The following HEATR5A variants were observed in gnomAD, a reference collection of about 807,000 sequenced individuals.
The protein encoded by HEATR5A is HEAT repeat-containing protein 5A.
In HEATR5A, 178 loss-of-function variants were observed where a neutral mutation model predicts 218.8. The observed-to-expected ratio is 0.81, with a 90% CI of 0.72 to 0.92. The LOEUF is 0.92. HEATR5A is among the 40% of genes least tolerant of loss of function. The probability of loss-of-function intolerance (pLI) is 0.00; values close to 1 mark genes in which losing one functional copy is unlikely to be tolerated. For synonymous variants in HEATR5A, 864 were observed against 871.6 expected, an observed-to-expected ratio of 0.99 and a Z score of 0.15; for missense variants, 2,420 against 2,418.9, an observed-to-expected ratio of 1.00 and a Z score of -0.01.
rs765148798 is a variant in HEATR5A at position 31,395,192 on chromosome 14, AT to A, written c.597+6del. ...ATTTTTAAAGTCTGCTTATTAGATC[AT>A]TTTACCTTTGCAGCAGCACAACGAA... is the stretch of plus-strand genomic sequence containing the variant. On this transcript the variant is annotated splice_donor_region_variant and intron_variant, in intron 5 of 35. Coordinates refer to ENST00000543095, the MANE Select transcript of HEATR5A (RefSeq NM_015473.4). The A allele has an allele frequency of 8.4e-5, 126 of 1,495,356 alleles. No individual in the cohort carries two copies. In the African/African-American group the frequency reaches 1.7e-3, roughly 20 times the overall value. 92.6% of individuals were successfully genotyped at this position (1,495,356 alleles called of 1,614,324 possible). A position where few individuals can be genotyped will look rare whatever the true frequency, so the allele number is the denominator to read the frequency against.
At chr14:31,392,205 G>T (rs1332989485) in intron 6 of HEATR5A, among the ~76,000 whole-genome samples, 1 of 152,092 alleles carries the variant, frequency 6.6e-6, no homozygotes, top group Non-Finnish European at 1.5e-5. Context: ...GTGTCAGTCT[G>T]TCCCTACACA....
chr14:31,300,912 C>A lies in HEATR5A; in HGVS notation c.5464+1383G>T, dbSNP rs115553560. Reference sequence around the variant, plus strand: ...AATTACTCCCATTTTTTAAAAAAAACCAGTTAGAATTTTTTTTTATTGTAC... The same window carrying A: ...AATTACTCCCATTTTTTAAAAAAAAACAGTTAGAATTTTTTTTTATTGTAC... On this transcript the variant is annotated intron_variant, in intron 33 of 35. Transcript: ENST00000543095. Among the ~76,000 whole-genome samples the A allele has an allele frequency of 7.2e-3, 1,089 of 152,158 alleles. 10 individuals carry two copies. Among genetic ancestry groups the A allele is most frequent in the African/African-American group, 0.024 (1,011 of 41,508 alleles).
intron 12 of HEATR5A, 134 bp downstream of exon 12, chr14:31,374,682 T>C: frequency 1.3e-6 from 1 of 744,120 alleles, no homozygotes; most frequent in Non-Finnish European, 2.1e-6. Context: ...AATTTTTTTG[T>C]TCAGTTACAA....
chr14:31,324,785 G>A (rs1429964704), intron 23 of HEATR5A, among the ~76,000 whole-genome samples: 2 of 150,884 alleles, frequency 1.3e-5, no homozygotes, highest in East Asian at 3.9e-4. Flanking sequence ...TTTTAAAGAA[G>A]TCCTTGCAAT....
chr14:31,418,949 G>C (rs2031548142), intron 1 of HEATR5A, among the ~76,000 whole-genome samples: 1 of 152,062 alleles, frequency 6.6e-6, no homozygotes, highest in Non-Finnish European at 1.5e-5. Flanking sequence ...TTTTTCTGTA[G>C]ATAATATATT....
In HEATR5A at chr14:31,358,830, T is replaced by C. The variant is rs371435530; in HGVS notation, c.2236-18A>G. 1.1e-5 allele frequency: 17 copies of C among 1,611,338 alleles called. No homozygotes were observed. The highest frequency in any genetic ancestry group is 1.4e-5 in the Non-Finnish European group (17 of 1,179,020). ...AGCAGGAGCTAAAAGGGAAAAAAAG[T>C]ATATAAGGTTTTAAAATCACTGATC... is the stretch of plus-strand genomic sequence containing the variant. On this transcript the variant is annotated intron_variant, in intron 15 of 35. Transcript: ENST00000543095.
chr14:31,362,470 T>C (rs1403330387), intron 14 of HEATR5A, among the ~76,000 whole-genome samples: 1 of 151,670 alleles, frequency 6.6e-6, no homozygotes, highest in Non-Finnish European at 1.5e-5. Flanking sequence ...AGGGTAAGAC[T>C]TACATTATCA....
At chr14:31,351,385 C>T (rs539322526) in intron 16 of HEATR5A, among the ~76,000 whole-genome samples, 1 of 151,744 alleles carries the variant, frequency 6.6e-6, no homozygotes, top group East Asian at 1.9e-4. Context: ...CCTAGCTACC[C>T]AGGAGGCTGA....
At chr14:31,331,465 A>G (rs185204574) in intron 22 of HEATR5A, among the ~76,000 whole-genome samples, 3 of 152,292 alleles carry the variant, frequency 2.0e-5, no homozygotes, top group Non-Finnish European at 4.4e-5. Context: ...AAGCCATTCA[A>G]CAAGTCTCTA....
At position 31,358,941 on chromosome 14, in the gene HEATR5A, G is replaced by A. The variant is rs1325846223; in HGVS notation, c.2188C>T (p.Leu730=). ...TCAGTCTCTTGTAGGAAAGGACTTA[G>A]TATCAAAAGATCATCCTGATGACAG... The part of the protein sequence containing the change: ...PLCHQDDLLI[L]SPFLQETDHR... Residue 730 remains leucine, a synonymous_variant, in exon 15 of 36, where the codon CTA becomes TTA. Coordinates refer to ENST00000543095, the MANE Select transcript of HEATR5A (RefSeq NM_015473.4). 2 of 1,591,690 alleles carry A rather than the reference G, an allele frequency of 1.3e-6. No homozygotes were observed. Among genetic ancestry groups the A allele is most frequent in the Non-Finnish European group, 8.5e-7 (1 of 1,174,688 alleles).
intron 13 of HEATR5A, among the ~76,000 whole-genome samples, chr14:31,368,695 C>CTATT (rs71708210): frequency 2.3e-3 from 307 of 130,692 alleles, no homozygotes; most frequent in South Asian, 4.3e-3. Context: ...ACATCTGACT[C>CTATT]TATTTATTTA....
chr14:31,305,201 T>C, intron 31 of HEATR5A, 24 bp from the exon 32 acceptor site: 3 of 1,601,578 alleles, frequency 1.9e-6, no homozygotes, highest in Non-Finnish European at 2.5e-6. Context: ...TAGTGTTTAA[T>C]ACTTTGTGCT....
Position 31,371,254 on chromosome 14 carries a change from G to A in HEATR5A, c.1961+556C>T, listed in dbSNP as rs930357076. On this transcript the variant is annotated intron_variant, in intron 13 of 35. Coordinates refer to ENST00000543095, the MANE Select transcript of HEATR5A (RefSeq NM_015473.4). Reference sequence around the variant, plus strand: ...ACAGTCACAAACCTTTGCTCAGGCTGTGTTGGATTCACAAGTGCACATTTT... The same window carrying A: ...ACAGTCACAAACCTTTGCTCAGGCTATGTTGGATTCACAAGTGCACATTTT... Among the ~76,000 whole-genome samples, 5 of 152,290 alleles carry A rather than the reference G, an allele frequency of 3.3e-5. 1 individual carries two copies. The highest frequency in any genetic ancestry group is 6.8e-3 in the Middle Eastern group (2 of 294).
chr14:31,389,082 T>C (rs781063800), intron 6 of HEATR5A, 77 bp from the exon 7 acceptor site: 2 of 1,299,774 alleles, frequency 1.5e-6, no homozygotes, highest in East Asian at 2.5e-5. Flanking sequence ...GCAAAAAGCA[T>C]GTTAATAGAA....
rs1899052157 is a variant in HEATR5A at position 31,292,230 on chromosome 14, T to C, written c.*1075A>G. The C allele has an allele frequency of 6.6e-6, 1 of 152,238 alleles. No individual in the cohort carries two copies. Among genetic ancestry groups the C allele is most frequent in the Non-Finnish European group, 1.5e-5 (1 of 68,046 alleles). The allele number at this position is 152,238 out of a possible 1,614,324, so 9.4% of individuals were successfully genotyped here. A position where few individuals can be genotyped will look rare whatever the true frequency, so the allele number is the denominator to read the frequency against. On this transcript the variant is annotated 3_prime_UTR_variant, in exon 36 of 36. Transcript: ENST00000543095. ...ACCCATAGTTGATCTAAATACAATG[T>C]AGATATGAACCTAGGTTAAAACTCA...
intron 2 of HEATR5A, among the ~76,000 whole-genome samples, chr14:31,402,272 A>G (rs2030906241): frequency 6.6e-6 from 1 of 152,216 alleles, no homozygotes; most frequent in Non-Finnish European, 1.5e-5. Flanking sequence ...TATTTTTAGG[A>G]GACGTAGGCT....
At position 31,393,199 on chromosome 14, in the gene HEATR5A, TA is replaced by T. The variant is rs368829515; in HGVS notation, c.772+852del. On this transcript the variant is annotated intron_variant, in intron 6 of 35. Coordinates refer to ENST00000543095, the MANE Select transcript of HEATR5A (RefSeq NM_015473.4). ...ATTGGATAACACTTCACAATTACTT[TA>T]AAAAAAATATATAAAAATAAGGCCA... Among the ~76,000 whole-genome samples the T allele has an allele frequency of 1.4e-3, 217 of 152,030 alleles. 1 individual carries two copies. In the East Asian group the frequency reaches 0.031, roughly 22 times the overall value.
chr14:31,385,988 A>C (rs1265091673), intron 9 of HEATR5A, among the ~76,000 whole-genome samples: 2 of 152,212 alleles, frequency 1.3e-5, no homozygotes, highest in East Asian at 3.8e-4. Flanking sequence ...TCAGCCTCCC[A>C]AAGTGCTGGA....
chr14:31,356,982 A>C (rs1901447354), intron 16 of HEATR5A, among the ~76,000 whole-genome samples: 2 of 152,242 alleles, frequency 1.3e-5, no homozygotes. Flanking sequence ...ATTAATCCAA[A>C]TTAATTATTC....
Sources: gnomAD v4.1 joint callset for allele counts (sites outside exome capture counted in the v4.1 genomes callset) on GRCh38, gnomAD v4.1.1 for gene constraint, MANE v1.5 for transcripts, NCBI Gene and HGNC (gene_info 2026-07-23, HGNC 2026-07-21) for gene names.